Variants in C1QTNF2 observed in about 807,000 individuals in gnomAD.
C1QTNF2 encodes complement C1q tumor necrosis factor-related protein 2.
C1QTNF2 carries 15 observed loss-of-function variants against 17.4 expected under a neutral mutation model. The observed-to-expected ratio is 0.86, with a 90% CI of 0.58 to 1.33. The LOEUF is 1.33. C1QTNF2 is among the 40% of genes most tolerant of loss of function. C1QTNF2 has a pLI of 0.00. For synonymous variants in C1QTNF2, 154 were observed against 163.3 expected (o/e 0.94, Z 0.44); for missense variants, 381 against 392.3 (o/e 0.97, Z 0.24).
chr5:160,354,597 A>ATATATATATAT (rs769774870), intron 2 of C1QTNF2, among the ~76,000 whole-genome samples, 171 bp downstream of exon 2: 30 of 89,250 alleles, frequency 3.4e-4, no homozygotes, highest in African/African-American at 8.7e-4. Context: ...AAAAAAAAAA[A>ATATATATATAT]GTATATATAT....
chr5:160,365,412 C>A (rs768538996), intron 1 of C1QTNF2, among the ~76,000 whole-genome samples: 1 of 152,096 alleles, frequency 6.6e-6, no homozygotes, highest in African/African-American at 2.4e-5. Flanking sequence ...TCGGAGTAAC[C>A]CTAAACTTCT....
rs775970046 is a variant in C1QTNF2 at position 160,349,311 on chromosome 5, G to A, written c.715C>T (p.Leu239=). The A allele has an allele frequency of 1.9e-6, 3 of 1,614,184 alleles. No individual in the cohort carries two copies. The highest frequency in any genetic ancestry group is 2.5e-6 in the Non-Finnish European group (3 of 1,180,042). The change falls in exon 3 of 3, where the codon CTG becomes TTG. Residue 239 remains leucine (L), a synonymous_variant. Coordinates refer to ENST00000652664, the MANE Select transcript of C1QTNF2 (RefSeq NM_031908.6). This position sits in a 1 kb window ranked among gnomAD's most constrained non-coding sequence, Gnocchi z 4.3. ...ACTTCGTCACCCTGCTTGAGAGCCA[G>A]GATGGTGGAGCCTGAGGCCACATCG... ...NHDVASGSTI[L]ALKQGDEVWL...
intron 1 of C1QTNF2, among the ~76,000 whole-genome samples, chr5:160,361,290 C>T (rs1764149780): frequency 6.6e-6 from 1 of 152,188 alleles, no homozygotes; most frequent in African/African-American, 2.4e-5. Flanking sequence ...TTCCCAAGGG[C>T]CCTCTGCCCA....
chr5:160,350,750 A>ATTT (rs1354840992), intron 2 of C1QTNF2, among the ~76,000 whole-genome samples: 5 of 140,248 alleles, frequency 3.6e-5, no homozygotes, highest in Admixed American at 7.2e-5. Flanking sequence ...CACAATGCCA[A>ATTT]TTTTTTTTTT....
At chr5:160,355,267 A>T in intron 1 of C1QTNF2, 1 of 985,004 alleles carries the variant, frequency 1.0e-6, no homozygotes, top group Non-Finnish European at 1.2e-6. Flanking sequence ...TGAGGCATTC[A>T]TCATCAGACC....
Position 160,349,608 on chromosome 5 carries a change from G to T in C1QTNF2, c.418C>A (p.Pro140Thr). Residue 140 changes from proline to threonine, a missense_variant, in exon 3 of 3, where the codon CCC (proline) becomes ACC (threonine). By Grantham distance (38) the Pro-to-Thr change is conservative. Coordinates refer to ENST00000652664, the MANE Select transcript of C1QTNF2 (RefSeq NM_031908.6). The surrounding 1 kb of genome is among the most constrained non-coding windows in gnomAD (Gnocchi z 4.3). Reference protein sequence around the residue: ...GKKGEPGLPGPCSCGSGHTKS... With the variant: ...GKKGEPGLPGTCSCGSGHTKS... ...GTATGGCCACTGCCACAGCTGCAGG[G>T]GCCTGGGAGGCCTGGCTCCCCCTTC... The T allele has an allele frequency of 6.2e-7, 1 of 1,613,528 alleles. No individual in the cohort carries two copies. Among genetic ancestry groups the T allele is most frequent in the Non-Finnish European group, 8.5e-7 (1 of 1,179,932 alleles).
intron 2 of C1QTNF2, among the ~76,000 whole-genome samples, chr5:160,352,453 G>A (rs1435242826): frequency 6.6e-6 from 1 of 152,126 alleles, no homozygotes; most frequent in Admixed American, 6.6e-5. Flanking sequence ...AGTTACATGC[G>A]CTGGGACTCT....
At chr5:160,354,667 T>C in intron 2 of C1QTNF2, 101 bp downstream of exon 2, 1 of 1,080,166 alleles carries the variant, frequency 9.3e-7, no homozygotes, top group South Asian at 1.7e-5. Context: ...TGATTTATAA[T>C]GAAGAGGATT....
At chr5:160,354,597 A>ATAT (rs769774870) in intron 2 of C1QTNF2, among the ~76,000 whole-genome samples, 171 bp downstream of exon 2, 8 of 89,298 alleles carry the variant, frequency 9.0e-5, no homozygotes, top group South Asian at 4.4e-4. Context: ...AAAAAAAAAA[A>ATAT]GTATATATAT....
At chr5:160,361,035 C>T (rs561360307) in intron 1 of C1QTNF2, among the ~76,000 whole-genome samples, 231 of 152,188 alleles carry the variant, frequency 1.5e-3, no homozygotes, top group Non-Finnish European at 2.7e-3. Flanking sequence ...ACCTCGTTAT[C>T]CACCTGCCTC....
rs1209212466 is a variant in C1QTNF2 at position 160,349,072 on chromosome 5, C to T, written c.*96G>A. 3.4e-6 allele frequency: 5 copies of T among 1,479,840 alleles called. No individual in the cohort carries two copies. The highest frequency in any genetic ancestry group is 2.3e-5 in the East Asian group (1 of 43,818). The allele number at this position is 1,479,840 out of a possible 1,614,324, so 91.7% of individuals were successfully genotyped here. A position where few individuals can be genotyped will look rare whatever the true frequency, so the allele number is the denominator to read the frequency against. ...GTGAGCCTGAGGCTAGAACCGCTCA[C>T]TCGACCCCCCACCCCCAGCCTACAG... On this transcript the variant is annotated 3_prime_UTR_variant, in exon 3 of 3. Transcript: ENST00000652664. This position sits in a 1 kb window ranked among gnomAD's most constrained non-coding sequence, Gnocchi z 4.3.
At chr5:160,367,771 C>T (rs1764273063) in intron 1 of C1QTNF2, among the ~76,000 whole-genome samples, 1 of 152,200 alleles carries the variant, frequency 6.6e-6, no homozygotes, top group South Asian at 2.1e-4. Context: ...CAGTCCTCAC[C>T]ACTCCCAAAT....
intron 1 of C1QTNF2, among the ~76,000 whole-genome samples, chr5:160,369,387 T>C (rs913883986): frequency 4.6e-5 from 7 of 152,172 alleles, no homozygotes; most frequent in Non-Finnish European, 8.8e-5. Flanking sequence ...TGTGTTACAA[T>C]GAAGGGCTGT....
At chr5:160,350,631 G>A (rs111774392) in intron 2 of C1QTNF2, among the ~76,000 whole-genome samples, 9 of 152,282 alleles carry the variant, frequency 5.9e-5, no homozygotes, top group African/African-American at 2.2e-4. Flanking sequence ...GAGCCCACGA[G>A]TTCCAGGTTA....
chr5:160,357,938 T>C (rs1764082064), intron 1 of C1QTNF2, among the ~76,000 whole-genome samples: 1 of 152,184 alleles, frequency 6.6e-6, no homozygotes, highest in Non-Finnish European at 1.5e-5. Context: ...CTGTCACAGC[T>C]GACAACTCCC....
At chr5:160,352,647 C>G (rs1010222597) in intron 2 of C1QTNF2, among the ~76,000 whole-genome samples, 13 of 152,236 alleles carry the variant, frequency 8.5e-5, no homozygotes, top group African/African-American at 2.9e-4. Context: ...AGGGAAAACT[C>G]TAGCTGGCCT....
At chr5:160,355,551 T>C (rs567092292) in intron 1 of C1QTNF2, among the ~76,000 whole-genome samples, 1 of 152,334 alleles carries the variant, frequency 6.6e-6, no homozygotes, top group African/African-American at 2.4e-5. Flanking sequence ...TGGCAGGCCG[T>C]GGTAGCAGCT....
chr5:160,369,787 T>C (rs941037181), intron 1 of C1QTNF2, among the ~76,000 whole-genome samples: 1 of 152,108 alleles, frequency 6.6e-6, no homozygotes, highest in East Asian at 1.9e-4. Context: ...TAGGGCCCAC[T>C]GCAATTATTT....
In C1QTNF2 at chr5:160,367,615, C is replaced by G. The variant is rs544604601; in HGVS notation, c.-10+2897G>C. 1.2e-4 allele frequency among the ~76,000 whole-genome samples: 18 copies of G among 152,258 alleles called. No individual in the cohort carries two copies. In the South Asian group the frequency reaches 3.5e-3, roughly 30 times the overall value. ...CCACAGAGAGAGGACTCAGAAGAAA[C>G]CAACACTGCAGATACCTTGATGATG... On this transcript the variant is annotated intron_variant, in intron 1 of 2. Coordinates refer to ENST00000652664, the MANE Select transcript of C1QTNF2 (RefSeq NM_031908.6).
Sources: gnomAD v4.1 joint callset for allele counts (sites outside exome capture counted in the v4.1 genomes callset) on GRCh38, gnomAD v4.1.1 for gene constraint, Gnocchi (gnomAD v3.1) non-coding constraint, MANE v1.5 for transcripts, NCBI Gene and HGNC (gene_info 2026-07-23, HGNC 2026-07-21) for gene names.